EVL: variants seen among roughly 807,000 people sequenced by gnomAD.
The protein encoded by EVL is Enah/Vasp-like.
A neutral mutation model predicts 59.6 loss-of-function variants in EVL; 21 were observed. That is an observed-to-expected ratio of 0.35 (90% CI 0.25 to 0.51). EVL has a LOEUF of 0.51. Among genes scored for constraint, EVL ranks in the 20% least tolerant of loss-of-function variants. The pLI, the probability that EVL is intolerant of heterozygous loss-of-function variation, is 0.97. For synonymous variants in EVL, 198 were observed against 203.5 expected (o/e 0.97, Z 0.23); for missense variants, 462 against 546.6 (o/e 0.85, Z 1.54).
chr14:100,080,823 A>G (rs1043153071), intron 1 of EVL, among the ~76,000 whole-genome samples: 3 of 152,258 alleles, frequency 2.0e-5, no homozygotes, highest in Non-Finnish European at 2.9e-5. Flanking sequence ...TCACTCCCCA[A>G]CTAATCAACA....
chr14:100,032,907 G>A (rs2061335777), intron 1 of EVL, among the ~76,000 whole-genome samples: 1 of 151,958 alleles, frequency 6.6e-6, no homozygotes, highest in Non-Finnish European at 1.5e-5. Context: ...TGGCTTCTCA[G>A]CACTCTTTGT....
chr14:100,123,658 C>T (rs553118130), intron 4 of EVL, 56 bp downstream of exon 4: 23 of 1,589,756 alleles, frequency 1.4e-5, no homozygotes, highest in Non-Finnish European at 2.0e-5. Context: ...GCTGGGTGGC[C>T]AGGGGTGCCT....
In EVL at chr14:100,110,517, GC is replaced by G. The variant is rs36121351; in HGVS notation, c.358+12862del. Among the ~76,000 whole-genome samples, 948 of 152,244 alleles carry G rather than the reference GC, an allele frequency of 6.2e-3. 13 individuals carry two copies. Among genetic ancestry groups the G allele is most frequent in the African/African-American group, 0.022 (905 of 41,534 alleles). Reference sequence around the variant, plus strand: ...TGAGGGAAGCGGGGCTTGAACCTGGGCCCTGCAGGGCTGGGGGTGAATGGGG... The same window carrying G: ...TGAGGGAAGCGGGGCTTGAACCTGGGCCTGCAGGGCTGGGGGTGAATGGGG... On this transcript the variant is annotated intron_variant, in intron 3 of 13. Coordinates refer to ENST00000392920, the MANE Select transcript of EVL (RefSeq NM_016337.3).
At chr14:100,046,650 G>A (rs2061550505) in intron 1 of EVL, among the ~76,000 whole-genome samples, 1 of 148,344 alleles carries the variant, frequency 6.7e-6, no homozygotes, top group Admixed American at 6.8e-5. Context: ...CTGGGCGACA[G>A]AGCGAGACCT....
At position 100,068,138 on chromosome 14, in the gene EVL, G is replaced by C. The variant is rs576640679; in HGVS notation, c.11+2627G>C. Among the ~76,000 whole-genome samples, 3 of 152,290 alleles carry C rather than the reference G, an allele frequency of 2.0e-5. No homozygotes were observed. The South Asian group carries it at 6.2e-4, about 32-fold the overall frequency. On this transcript the variant is annotated intron_variant, in intron 1 of 13. Coordinates refer to ENST00000392920, the MANE Select transcript of EVL (RefSeq NM_016337.3). ...GAAAACAATAGAGCAGTGTGGTAGA[G>C]AGTGACTGGGCCACGCCTTAGGGGA... is the stretch of plus-strand genomic sequence containing the variant.
At chr14:100,006,008 TTC>T (rs368329302) in intron 1 of EVL, among the ~76,000 whole-genome samples, 2,322 of 52,522 alleles carry the variant, frequency 0.044, 71 homozygotes, top group African/African-American at 0.12. Flanking sequence ...TGCTGGCCAT[TTC>T]CCCCCCCCCC....
chr14:100,019,377 A>T, intron 1 of EVL: 1 of 390,132 alleles, frequency 2.6e-6, no homozygotes, highest in East Asian at 4.4e-5. Flanking sequence ...TCTCTAGACT[A>T]ATCCAGTTCC....
At chr14:100,058,685 G>C (rs183871840) in intron 1 of EVL, among the ~76,000 whole-genome samples, 174 of 152,096 alleles carry the variant, frequency 1.1e-3, no homozygotes, top group Non-Finnish European at 2.0e-3. Context: ...GGAGACACCA[G>C]GGTCAAAGTA....
intron 1 of EVL, among the ~76,000 whole-genome samples, chr14:100,027,641 A>G (rs994246282): frequency 1.3e-5 from 2 of 151,560 alleles, no homozygotes; most frequent in Admixed American, 6.6e-5. Flanking sequence ...TTTTTTTTTA[A>G]TCCATTCATC....
chr14:100,083,168 A>G (rs542433490), intron 1 of EVL, among the ~76,000 whole-genome samples: 2 of 152,316 alleles, frequency 1.3e-5, no homozygotes, highest in South Asian at 4.1e-4. Flanking sequence ...AACCAAGACC[A>G]TGCTGCATCT....
intron 1 of EVL, among the ~76,000 whole-genome samples, chr14:100,005,990 T>C (rs548711348): frequency 2.5e-4 from 34 of 133,720 alleles, no homozygotes; most frequent in South Asian, 1.5e-3. Context: ...CTTTTTTTTT[T>C]CCCCTTTTGC....
chr14:100,143,959 GTCTTTTTTGTGTTT>G lies in EVL; in HGVS notation c.*223_*236del, dbSNP rs1889369986. On this transcript the variant is annotated 3_prime_UTR_variant, in exon 14 of 14. Coordinates refer to ENST00000392920, the MANE Select transcript of EVL (RefSeq NM_016337.3). ...CTGACACGGAACACCAGGTCTGCTC[GTCTTTTTTGTGTTT>G]TATATTTGCTTATTTAAGGTACATT... 8 of 549,124 alleles carry G rather than the reference GTCTTTTTTGTGTTT, an allele frequency of 1.5e-5. No individual in the cohort carries two copies. In the East Asian group the frequency reaches 2.4e-4, roughly 17 times the overall value. The allele number at this position is 549,124 out of a possible 1,614,324, so 34.0% of individuals were successfully genotyped here. A position where few individuals can be genotyped will look rare whatever the true frequency, so the allele number is the denominator to read the frequency against.
chr14:100,094,346 T>C (rs1885654332), intron 2 of EVL, among the ~76,000 whole-genome samples: 2 of 152,082 alleles, frequency 1.3e-5, no homozygotes, highest in Non-Finnish European at 2.9e-5. Flanking sequence ...CCCTCAATTC[T>C]CATTTCCCCC....
chr14:100,046,631 C>T (rs951045018), intron 1 of EVL, among the ~76,000 whole-genome samples: 1 of 151,314 alleles, frequency 6.6e-6, no homozygotes, highest in Non-Finnish European at 1.5e-5. Flanking sequence ...GATGCCAGCG[C>T]ACTCCAGCCT....
At chr14:100,140,024 C>A (rs969700228) in intron 11 of EVL, 1 of 151,700 alleles carries the variant, frequency 6.6e-6, no homozygotes, top group Non-Finnish European at 1.5e-5. Flanking sequence ...GAGGCCGAGG[C>A]GGGAGGATCA....
At chr14:100,039,672 T>A (rs2061438109) in intron 1 of EVL, among the ~76,000 whole-genome samples, 1 of 152,202 alleles carries the variant, frequency 6.6e-6, no homozygotes, top group Admixed American at 6.5e-5. Flanking sequence ...ACAGTGAAGT[T>A]CTCTGTACAG....
chr14:99,994,597 C>T (rs899967931), intron 1 of EVL, among the ~76,000 whole-genome samples: 2 of 152,052 alleles, frequency 1.3e-5, no homozygotes, highest in Admixed American at 6.6e-5. Flanking sequence ...TACAAATTAC[C>T]TTTTTTATTT....
chr14:100,050,993 C>T (rs1437011135), intron 1 of EVL, among the ~76,000 whole-genome samples: 1 of 151,974 alleles, frequency 6.6e-6, no homozygotes, highest in Non-Finnish European at 1.5e-5. Flanking sequence ...GTGATCCACC[C>T]GCCTCAGCCT....
intron 1 of EVL, among the ~76,000 whole-genome samples, chr14:100,027,918 A>G (rs1413879626): frequency 1.3e-5 from 2 of 152,012 alleles, no homozygotes; most frequent in African/African-American, 2.4e-5. Context: ...CAAGTGATCC[A>G]CCCTCATTGG....
Sources: allele counts gnomAD v4.1 joint callset (sites outside exome capture counted in the v4.1 genomes callset), GRCh38; gene constraint gnomAD v4.1.1; transcripts MANE v1.5; gene names NCBI Gene and HGNC (gene_info 2026-07-23, HGNC 2026-07-21).